PSAP: variants seen among roughly 807,000 people sequenced by gnomAD.
PSAP encodes the protein prosaposin.
A neutral mutation model predicts 66.0 loss-of-function variants in PSAP; 25 were observed. The observed-to-expected ratio is 0.38, with a 90% CI of 0.28 to 0.53. The LOEUF is 0.53. PSAP is among the 20% of genes least tolerant of loss of function. PSAP has a pLI of 0.83. For synonymous variants in PSAP, 273 were observed against 258.9 expected (o/e 1.05, Z -0.52); for missense variants, 649 against 668.8 (o/e 0.97, Z 0.33).
intron 2 of PSAP, among the ~76,000 whole-genome samples, 158 bp from the exon 3 acceptor site, chr10:71,832,078 C>G (rs945274960): frequency 1.3e-5 from 2 of 152,190 alleles, no homozygotes; most frequent in African/African-American, 2.4e-5. Flanking sequence ...GCATGAGCAG[C>G]GCTGGGGCAC....
intron 1 of PSAP, among the ~76,000 whole-genome samples, chr10:71,835,397 T>G (rs970355305): frequency 5.6e-4 from 85 of 151,892 alleles, no homozygotes; most frequent in African/African-American, 2.0e-3. Flanking sequence ...CTGGGCAACA[T>G]GGCAAAACCT....
In PSAP at chr10:71,817,486, G is replaced by C. The variant is rs531023925; in HGVS notation, c.1540-10C>G. ...TGCAATGCTCGACAGCCTGGTAGGA[G>C]AGAGGAAGCTGAGTTTAGTCTTCGG... On this transcript the variant is annotated splice_polypyrimidine_tract_variant and intron_variant, in intron 13 of 13. Transcript: ENST00000394936. The C allele has an allele frequency of 6.2e-7, 1 of 1,613,978 alleles. No homozygotes were observed. The highest frequency in any genetic ancestry group is 8.5e-7 in the Non-Finnish European group (1 of 1,179,862).
intron 7 of PSAP, among the ~76,000 whole-genome samples, chr10:71,824,335 G>A (rs1019368947): frequency 6.6e-6 from 1 of 152,320 alleles, no homozygotes; most frequent in African/African-American, 2.4e-5. Context: ...AGTAAGGGGG[G>A]TAAGGGATCC....
chr10:71,843,351 C>A (rs530096287), intron 1 of PSAP, among the ~76,000 whole-genome samples: 1 of 152,070 alleles, frequency 6.6e-6, no homozygotes, highest in Non-Finnish European at 1.5e-5. Flanking sequence ...GGCGACCTTG[C>A]GGACACACTT....
At chr10:71,843,344 G>A (rs1055515155) in intron 1 of PSAP, among the ~76,000 whole-genome samples, 1 of 152,126 alleles carries the variant, frequency 6.6e-6, no homozygotes, top group Non-Finnish European at 1.5e-5. Context: ...GGTGACAGGC[G>A]ACCTTGCGGA....
At chr10:71,842,457 T>C (rs1460993449) in intron 1 of PSAP, among the ~76,000 whole-genome samples, 1 of 152,228 alleles carries the variant, frequency 6.6e-6, no homozygotes, top group Non-Finnish European at 1.5e-5. Flanking sequence ...ACTTATAAGA[T>C]GTTAAATATT....
At chr10:71,841,511 A>G (rs1021576671) in intron 1 of PSAP, among the ~76,000 whole-genome samples, 2 of 152,222 alleles carry the variant, frequency 1.3e-5, no homozygotes, top group Non-Finnish European at 2.9e-5. Context: ...ACTGGCCCAG[A>G]ATTCCGATTC....
At chr10:71,820,150 C>G in intron 9 of PSAP, 90 bp downstream of exon 9, 1 of 1,227,536 alleles carries the variant, frequency 8.1e-7, no homozygotes. Context: ...AAGGCTGGGC[C>G]AAGCCCTCTC....
chr10:71,850,518 A>G (rs943302835), intron 1 of PSAP, among the ~76,000 whole-genome samples: 1 of 152,202 alleles, frequency 6.6e-6, no homozygotes, highest in African/African-American at 2.4e-5. Context: ...CCTCCCGAAA[A>G]TATGTAAAAC....
In PSAP at chr10:71,816,667, G is replaced by A. The variant is rs200907537; in HGVS notation, c.*774C>T. ...TGTAGGCAACACGAGCAGGCACAGCGCGGCCACCACTGTCCACACGCTCAC... is the reference window on the plus strand; with the variant it reads ...TGTAGGCAACACGAGCAGGCACAGCACGGCCACCACTGTCCACACGCTCAC... On this transcript the variant is annotated 3_prime_UTR_variant, in exon 14 of 14. Coordinates refer to ENST00000394936, the MANE Select transcript of PSAP (RefSeq NM_002778.4). 2.6e-5 allele frequency: 9 copies of A among 350,122 alleles called. No homozygotes were observed. Among genetic ancestry groups the A allele is most frequent in the East Asian group, 1.5e-4 (2 of 13,354 alleles). 21.7% of individuals were successfully genotyped at this position (350,122 alleles called of 1,614,324 possible).
In PSAP at chr10:71,825,567, TGGCTGGCCTGAACG is replaced by T. The variant is rs145386313; in HGVS notation, c.777+256_777+269del. ...GTTAAAGCCAGACCTAGAAACCTGATGGCTGGCCTGAACGGGCAGAGGCAAACAAATTGCCAGGA... is the reference window on the plus strand; with the variant it reads ...GTTAAAGCCAGACCTAGAAACCTGATGGCAGAGGCAAACAAATTGCCAGGA... On this transcript the variant is annotated intron_variant, in intron 7 of 13. Transcript: ENST00000394936. Among the ~76,000 whole-genome samples, 5,908 of 152,224 alleles carry T rather than the reference TGGCTGGCCTGAACG, an allele frequency of 0.039. 142 individuals carry two copies. Among genetic ancestry groups the T allele is most frequent in the Non-Finnish European group, 0.063 (4,283 of 68,000 alleles).
intron 1 of PSAP, among the ~76,000 whole-genome samples, chr10:71,845,764 C>T (rs999653703): frequency 5.3e-5 from 8 of 152,134 alleles, no homozygotes; most frequent in African/African-American, 1.9e-4. Flanking sequence ...CCCAAGCATT[C>T]GGGTTACCAG....
At position 71,819,122 on chromosome 10, in the gene PSAP, A is replaced by C; in HGVS notation, c.1351-11T>G. 1.2e-6 allele frequency: 2 copies of C among 1,612,342 alleles called. No homozygotes were observed. The highest frequency in any genetic ancestry group is 1.7e-6 in the Non-Finnish European group (2 of 1,178,472). On this transcript the variant is annotated splice_polypyrimidine_tract_variant and intron_variant, in intron 11 of 13. Transcript: ENST00000394936. ...CACAAACTGATCACACTATAAAGGAAAGTGGGGACACAGGTCCAGCTCTGG... is the reference window on the plus strand; with the variant it reads ...CACAAACTGATCACACTATAAAGGACAGTGGGGACACAGGTCCAGCTCTGG...
chr10:71,831,186 T>G lies in PSAP; in HGVS notation c.315A>C (p.Ser105=). 3 of 1,614,188 alleles carry G rather than the reference T, an allele frequency of 1.9e-6. No individual in the cohort carries two copies. Among genetic ancestry groups the G allele is most frequent in the Non-Finnish European group, 2.5e-6 (3 of 1,180,028 alleles). Residue 105 remains serine, a synonymous_variant, in exon 4 of 14, where the codon TCA becomes TCC. Transcript: ENST00000394936. ...DWLPKPNMSA[S]CKEIVDSYLP... is the part of the protein sequence containing the mutation. ...GGTAGGAGTCCACTATCTCCTTGCA[T>G]GAAGCAGACATGTTCGGTTTCGGAA...
At position 71,821,928 on chromosome 10, in the gene PSAP, T is replaced by A; in HGVS notation, c.857A>T (p.Lys286Ile). ...AGGGATGACATTCTTGGAGGCCACT[T>A]TGGCGGGGACCAGAGTCTGCATGGG... is the stretch of plus-strand genomic sequence containing the variant. ...EMPMQTLVPA[K>I]VASKNVIPAL... Residue 286 changes from lysine (K) to isoleucine (I), a missense_variant, in exon 8 of 14, where the codon AAA becomes ATA. Physicochemically the swap from Lys to Ile is moderately radical, Grantham distance 102 (BLOSUM62 -3). Coordinates refer to ENST00000394936, the MANE Select transcript of PSAP (RefSeq NM_002778.4). 1 of 1,614,196 alleles carries A rather than the reference T, an allele frequency of 6.2e-7. No homozygotes were observed. The highest frequency in any genetic ancestry group is 8.5e-7 in the Non-Finnish European group (1 of 1,180,030).
chr10:71,824,438 T>A (rs111391352), intron 7 of PSAP, among the ~76,000 whole-genome samples: 9 of 152,320 alleles, frequency 5.9e-5, no homozygotes, highest in African/African-American at 2.2e-4. Flanking sequence ...GCCTCATGCT[T>A]CCATTCAGCA....
intron 1 of PSAP, among the ~76,000 whole-genome samples, chr10:71,842,519 T>C (rs1842748538): frequency 6.6e-6 from 1 of 152,176 alleles, no homozygotes; most frequent in Non-Finnish European, 1.5e-5. Flanking sequence ...CAATAACTAA[T>C]TAGTATATAG....
chr10:71,830,628 G>T (rs1246356133), intron 4 of PSAP, among the ~76,000 whole-genome samples: 1 of 152,134 alleles, frequency 6.6e-6, no homozygotes, highest in East Asian at 1.9e-4. Flanking sequence ...CCTCTTCTTT[G>T]TCAAGGCCTT....
chr10:71,843,649 C>T (rs769838244), intron 1 of PSAP, among the ~76,000 whole-genome samples: 1 of 152,114 alleles, frequency 6.6e-6, no homozygotes, highest in Non-Finnish European at 1.5e-5. Context: ...GTTTATTAGA[C>T]GTCGATGTCC....
Sources: allele counts gnomAD v4.1 joint callset (sites outside exome capture counted in the v4.1 genomes callset), GRCh38; gene constraint gnomAD v4.1.1; transcripts MANE v1.5; gene names NCBI Gene and HGNC (gene_info 2026-07-23, HGNC 2026-07-21).